Variants in CCNY observed in about 807,000 individuals in gnomAD.
CCNY encodes cyclin-Y.
In CCNY, 19 loss-of-function variants were observed where a neutral mutation model predicts 42.8. That is an observed-to-expected ratio of 0.44 (90% CI 0.31 to 0.65). The LOEUF (loss-of-function observed/expected upper bound fraction) is 0.65, where lower values mean the gene tolerates loss of function less well. Among genes scored for constraint, CCNY ranks in the 30% least tolerant of loss-of-function variants. CCNY has a pLI of 0.07. For synonymous variants in CCNY, 165 were observed against 162.7 expected (o/e 1.01, Z -0.11); for missense variants, 370 against 437.3 (o/e 0.85, Z 1.37).
chr10:35,432,470 A>G (rs1010762416), intron 1 of CCNY, among the ~76,000 whole-genome samples: 6 of 152,230 alleles, frequency 3.9e-5, no homozygotes, highest in African/African-American at 1.4e-4. Context: ...TGAGACCTTC[A>G]TATAATTTTC....
chr10:35,540,962 C>T (rs1007745112), intron 7 of CCNY, among the ~76,000 whole-genome samples: 4 of 152,066 alleles, frequency 2.6e-5, no homozygotes, highest in Admixed American at 1.3e-4. Flanking sequence ...TCCAAGGAAT[C>T]GACTTTCAGT....
chr10:35,280,074 C>T (rs1405074703), intron 3 of CCNY, among the ~76,000 whole-genome samples: 3 of 152,196 alleles, frequency 2.0e-5, no homozygotes, highest in Non-Finnish European at 2.9e-5. Context: ...ATCTTTGTAT[C>T]TATGTCCAGT....
intron 7 of CCNY, among the ~76,000 whole-genome samples, chr10:35,532,729 G>A (rs1051294660): frequency 6.6e-6 from 1 of 152,176 alleles, no homozygotes; most frequent in African/African-American, 2.4e-5. Context: ...GAAAGGCCTT[G>A]GCATCCAGCT....
intron 1 of CCNY, among the ~76,000 whole-genome samples, chr10:35,453,383 T>TCAG (rs1838960491): frequency 2.0e-5 from 3 of 152,366 alleles, no homozygotes; most frequent in Admixed American, 6.5e-5. Flanking sequence ...TTCCGCTTAT[T>TCAG]CAGTCCTTTA....
rs529625963 is a variant in CCNY, at chr10:35,424,445, C to T, written c.155-58959C>T. 7.2e-5 allele frequency among the ~76,000 whole-genome samples: 11 copies of T among 152,322 alleles called. No individual in the cohort carries two copies. The East Asian group carries it at 1.2e-3, about 16-fold the overall frequency. On this transcript the variant is annotated intron_variant, in intron 1 of 9. Transcript: ENST00000374704. Reference sequence around the variant, plus strand: ...TTCTCCATGTTGGTCAGGCTGGTCTCGAACTGCCGACCTCAGGTGATCTGA... The same window carrying T: ...TTCTCCATGTTGGTCAGGCTGGTCTTGAACTGCCGACCTCAGGTGATCTGA...
chr10:35,554,197 C>T (rs553205104), intron 8 of CCNY, among the ~76,000 whole-genome samples: 2 of 152,062 alleles, frequency 1.3e-5, no homozygotes, highest in Admixed American at 6.5e-5. Context: ...GACTCGTGGG[C>T]ATGTGGGTTC....
chr10:35,523,836 C>T (rs1830228743), intron 4 of CCNY, among the ~76,000 whole-genome samples: 1 of 152,116 alleles, frequency 6.6e-6, no homozygotes, highest in African/African-American at 2.4e-5. Context: ...AATGAAAGCT[C>T]TGAGAGGTGA....
At chr10:35,397,212 T>C (rs1235496381) in intron 1 of CCNY, among the ~76,000 whole-genome samples, 1 of 152,182 alleles carries the variant, frequency 6.6e-6, no homozygotes, top group Non-Finnish European at 1.5e-5. Context: ...AAAACAAAAG[T>C]GTTGAAGTTG....
chr10:35,513,810 G>C (rs1326617360), intron 3 of CCNY, among the ~76,000 whole-genome samples: 1 of 152,176 alleles, frequency 6.6e-6, no homozygotes, highest in Non-Finnish European at 1.5e-5. Context: ...CTAAGTGGGA[G>C]GGTCTGTGTG....
chr10:35,516,464 T>A, intron 3 of CCNY, 59 bp from the exon 4 acceptor site: 1 of 1,185,752 alleles, frequency 8.4e-7, no homozygotes, highest in Non-Finnish European at 1.3e-6. Flanking sequence ...GGGTGATGTT[T>A]CTTGGAAGAA....
At chr10:35,296,265 T>C (rs1355892010) in intron 3 of CCNY, among the ~76,000 whole-genome samples, 1 of 152,124 alleles carries the variant, frequency 6.6e-6, no homozygotes, top group Non-Finnish European at 1.5e-5. Flanking sequence ...GTTAGTAAGA[T>C]AGACCACTAG....
At chr10:35,291,562 C>T (rs936455297) in intron 3 of CCNY, among the ~76,000 whole-genome samples, 6 of 129,932 alleles carry the variant, frequency 4.6e-5, no homozygotes, top group Non-Finnish European at 9.4e-5. Flanking sequence ...GACAGAGTCT[C>T]ACTCTGTAAC....
At chr10:35,456,593 C>T (rs1413931284) in intron 1 of CCNY, among the ~76,000 whole-genome samples, 3 of 152,130 alleles carry the variant, frequency 2.0e-5, no homozygotes, top group South Asian at 2.1e-4. Flanking sequence ...AATTCAGAAC[C>T]GCTCTGCCTT....
intron 1 of CCNY, among the ~76,000 whole-genome samples, chr10:35,468,311 TACTGTCAC>T (rs536068250): frequency 2.4e-4 from 37 of 152,292 alleles, no homozygotes; most frequent in South Asian, 1.7e-3. Context: ...CACCTCCAAA[TACTGTCAC>T]ACTGGGAGCT....
chr10:35,525,363 A>G (rs1225062939), intron 4 of CCNY, among the ~76,000 whole-genome samples: 1 of 152,214 alleles, frequency 6.6e-6, no homozygotes, highest in African/African-American at 2.4e-5. Flanking sequence ...TGTTTTAGAA[A>G]AGAAAAAGTT....
intron 7 of CCNY, among the ~76,000 whole-genome samples, chr10:35,540,879 G>A (rs1840985504): frequency 6.6e-6 from 1 of 151,926 alleles, no homozygotes; most frequent in Non-Finnish European, 1.5e-5. Flanking sequence ...TTTTGTTTCT[G>A]ATTTTACTTA....
chr10:35,402,781 G>A (rs3013377), intron 1 of CCNY, among the ~76,000 whole-genome samples: 55,440 of 151,934 alleles, frequency 0.36, 10,309 homozygotes, highest in African/African-American at 0.42. Context: ...AAGATCTTCT[G>A]TCCACTTCAA....
intron 3 of CCNY, among the ~76,000 whole-genome samples, chr10:35,292,785 T>TG (rs1405469015): frequency 3.4e-5 from 5 of 146,480 alleles, no homozygotes; most frequent in Non-Finnish European, 7.6e-5. Flanking sequence ...GTTTTTGTTT[T>TG]TTTTTTTTTT....
intron 3 of CCNY, among the ~76,000 whole-genome samples, chr10:35,279,567 G>A (rs926912525): frequency 6.6e-6 from 1 of 152,210 alleles, no homozygotes; most frequent in East Asian, 1.9e-4. Flanking sequence ...AGTCCAAGTA[G>A]AGAAAAGCAA....
Sources: allele counts gnomAD v4.1 joint callset (sites outside exome capture counted in the v4.1 genomes callset), GRCh38; gene constraint gnomAD v4.1.1; transcripts MANE v1.5; gene names NCBI Gene and HGNC (gene_info 2026-07-23, HGNC 2026-07-21).